Variants in ZNF212 observed in about 807,000 individuals in gnomAD.
ZNF212 encodes the protein Zinc finger protein C2H2-150.
ZNF212 carries 32 observed loss-of-function variants against 47.3 expected under a neutral mutation model. The observed-to-expected ratio is 0.68, with a 90% CI of 0.51 to 0.91. The LOEUF (loss-of-function observed/expected upper bound fraction) is 0.91. ZNF212 is among the 40% of genes least tolerant of loss of function. The probability of loss-of-function intolerance (pLI) is 0.00; values close to 1 mark genes in which losing one functional copy is unlikely to be tolerated. For synonymous variants in ZNF212, 242 were observed against 253.8 expected, an observed-to-expected ratio of 0.95 and a Z score of 0.44; for missense variants, 555 against 622.8, an observed-to-expected ratio of 0.89 and a Z score of 1.16.
Position 149,254,375 on chromosome 7 carries a change from G to A in ZNF212, c.1448G>A (p.Gly483Glu). The A allele has an allele frequency of 6.2e-7, 1 of 1,607,218 alleles. No individual in the cohort carries two copies. Among genetic ancestry groups the A allele is most frequent in the Non-Finnish European group, 8.5e-7 (1 of 1,179,842 alleles). ...HQKIHQRERG[G>E]LALEPGRPNG... Reference sequence around the variant, plus strand: ...AAGATCCACCAGCGGGAGCGGGGTGGGCTGGCCCTGGAGCCCGGAAGGCCC... The same window carrying A: ...AAGATCCACCAGCGGGAGCGGGGTGAGCTGGCCCTGGAGCCCGGAAGGCCC... Residue 483 changes from glycine (G) to glutamate (E), a missense_variant, in exon 5 of 5, where the codon GGG becomes GAG. Coordinates refer to ENST00000335870, the MANE Select transcript of ZNF212 (RefSeq NM_012256.4). This position sits in a 1 kb window ranked among gnomAD's most constrained non-coding sequence, Gnocchi z 4.5.
intron 1 of ZNF212, among the ~76,000 whole-genome samples, chr7:149,245,228 G>A (rs1189190727): frequency 6.6e-6 from 1 of 151,856 alleles, no homozygotes; most frequent in African/African-American, 2.4e-5. Flanking sequence ...GCACACACCT[G>A]TAATCCCAGC....
Position 149,254,321 on chromosome 7 carries a change from T to C in ZNF212, c.1394T>C (p.Val465Ala), listed in dbSNP as rs758794099. The change falls in exon 5 of 5, where the codon GTC becomes GCC. Residue 465 changes from valine (V) to alanine (A), a missense_variant. Coordinates refer to ENST00000335870, the MANE Select transcript of ZNF212 (RefSeq NM_012256.4). The surrounding 1 kb of genome is among the most constrained non-coding windows in gnomAD (Gnocchi z 4.5). ...TGCACTGAGTGTGAGAAGAGCTTTG[T>C]CCAGAAGCAGCACCTCCTGCAGCAC... ...YSCTECEKSF[V>A]QKQHLLQHQK... 1 of 1,613,636 alleles carries C rather than the reference T, an allele frequency of 6.2e-7. No individual in the cohort carries two copies. The highest frequency in any genetic ancestry group is 8.5e-7 in the Non-Finnish European group (1 of 1,180,022).
chr7:149,250,940 G>A (rs983423946), intron 3 of ZNF212, 133 bp downstream of exon 3: 1 of 1,231,948 alleles, frequency 8.1e-7, no homozygotes, highest in East Asian at 2.5e-5. Context: ...GCAGAGAAAT[G>A]CCAGTCTCTA....
intron 1 of ZNF212, among the ~76,000 whole-genome samples, chr7:149,242,091 G>T (rs188467625): frequency 6.8e-6 from 1 of 146,342 alleles, no homozygotes; most frequent in East Asian, 2.0e-4. Context: ...AGCAATCTTG[G>T]CTGCCTGAAA....
At chr7:149,243,209 C>T (rs1796620947) in intron 1 of ZNF212, among the ~76,000 whole-genome samples, 1 of 151,970 alleles carries the variant, frequency 6.6e-6, no homozygotes, top group African/African-American at 2.4e-5. Context: ...CTGGCTAACA[C>T]AGTGAAATTC....
intron 1 of ZNF212, among the ~76,000 whole-genome samples, chr7:149,241,515 A>G (rs1003758484): frequency 1.3e-5 from 2 of 152,126 alleles, no homozygotes; most frequent in African/African-American, 2.4e-5. Context: ...AACTTATTCA[A>G]ATTGTTCTTG....
chr7:149,243,482 T>TA (rs1796629519), intron 1 of ZNF212, among the ~76,000 whole-genome samples: 2 of 111,670 alleles, frequency 1.8e-5, no homozygotes, highest in Admixed American at 1.8e-4. Context: ...GAGATACAAC[T>TA]AAAAGATAAG....
chr7:149,246,062 T>G (rs1415432219), intron 1 of ZNF212, among the ~76,000 whole-genome samples: 1 of 152,254 alleles, frequency 6.6e-6, no homozygotes, highest in Non-Finnish European at 1.5e-5. Context: ...GTTTATTGAC[T>G]GCCTGCATTT....
At chr7:149,246,418 T>C (rs1796677488) in intron 1 of ZNF212, among the ~76,000 whole-genome samples, 1 of 151,964 alleles carries the variant, frequency 6.6e-6, no homozygotes, top group African/African-American at 2.4e-5. Context: ...AGTCTTATTC[T>C]GTTGCCCAGG....
chr7:149,241,824 G>C (rs948083692), intron 1 of ZNF212, among the ~76,000 whole-genome samples: 1 of 152,114 alleles, frequency 6.6e-6, no homozygotes, highest in Admixed American at 6.6e-5. Flanking sequence ...AGTCTAAGAA[G>C]CTCCCTAACC....
intron 1 of ZNF212, among the ~76,000 whole-genome samples, chr7:149,240,283 A>G (rs1288550420): frequency 6.6e-6 from 1 of 152,154 alleles, no homozygotes; most frequent in African/African-American, 2.4e-5. Flanking sequence ...TTGCAGCCAC[A>G]GGTTGAAGTC....
intron 4 of ZNF212, 64 bp downstream of exon 4, chr7:149,252,859 C>G: frequency 1.3e-6 from 2 of 1,543,174 alleles, no homozygotes; most frequent in Non-Finnish European, 1.8e-6. Context: ...GTGAGCTTTC[C>G]CACGGCTGAA....
rs1796823636 is a variant in ZNF212, at chr7:149,255,373, C to T, written c.*958C>T. On this transcript the variant is annotated 3_prime_UTR_variant, in exon 5 of 5. Coordinates refer to ENST00000335870, the MANE Select transcript of ZNF212 (RefSeq NM_012256.4). The stretch of plus-strand genomic sequence containing the variant: ...GTTATTTGAGTTTGTTCCTATTACA[C>T]CAATCCTTACTTGAGGTGGTTCGGA... 6.5e-6 allele frequency: 1 copy of T among 153,712 alleles called. No homozygotes were observed. The highest frequency in any genetic ancestry group is 2.1e-4 in the South Asian group (1 of 4,822). 9.5% of individuals were successfully genotyped at this position (153,712 alleles called of 1,614,324 possible).
chr7:149,253,726 GA>G lies in ZNF212; in HGVS notation c.800del (p.Asp267AlafsTer4), dbSNP rs748428445. ...TGTCCTCTTGGAAACAGGTCCTGGG[GA>G]CTCTACTCTAGAGGAGCCTGTTGGT... Reference protein sequence around the residue: ...SSVLLETGPGDSTLEEPVGSR... With the variant: ...SSVLLETGPGXSTLEEPVGSR... On this transcript the variant is annotated frameshift_variant, in exon 5 of 5. Transcript: ENST00000335870. LOFTEE classifies it high-confidence loss of function. 5.1e-4 allele frequency: 821 copies of G among 1,613,994 alleles called. No homozygotes were observed. Among genetic ancestry groups the G allele is most frequent in the Non-Finnish European group, 6.8e-4 (802 of 1,179,972 alleles).
chr7:149,249,208 G>A (rs981272556), intron 1 of ZNF212, among the ~76,000 whole-genome samples: 3 of 152,092 alleles, frequency 2.0e-5, no homozygotes, highest in Non-Finnish European at 4.4e-5. Context: ...AAATTATAAG[G>A]AAAATGTCAG....
intron 1 of ZNF212, among the ~76,000 whole-genome samples, chr7:149,245,680 G>A (rs1167542092): frequency 1.3e-5 from 2 of 152,002 alleles, no homozygotes; most frequent in Non-Finnish European, 2.9e-5. Flanking sequence ...TAATTTTATT[G>A]TCTTTTTGTA....
intron 1 of ZNF212, among the ~76,000 whole-genome samples, chr7:149,242,016 CTTTTCTTT>C (rs1405692908): frequency 7.5e-6 from 1 of 134,066 alleles, no homozygotes; most frequent in Non-Finnish European, 1.6e-5. Flanking sequence ...TTTTTCTTTT[CTTTTCTTT>C]TTTTTTTTTT....
chr7:149,240,396 A>ACCCCCCCCCCCCCCCCCCCCCCCCCCC (rs1585589226), intron 1 of ZNF212, among the ~76,000 whole-genome samples: 1 of 64,662 alleles, frequency 1.5e-5, no homozygotes, highest in African/African-American at 5.5e-5. Context: ...CCCCCCCAAC[A>ACCCCCCCCCCCCCCCCCCCCCCCCCCC]CCCCCCTCCC....
intron 1 of ZNF212, among the ~76,000 whole-genome samples, chr7:149,244,532 C>T (rs964540480): frequency 6.6e-6 from 1 of 151,824 alleles, no homozygotes; most frequent in East Asian, 2.0e-4. Context: ...CCAGGATGGT[C>T]GCGATCTCCT....
Sources: gnomAD v4.1 joint callset for allele counts (sites outside exome capture counted in the v4.1 genomes callset) on GRCh38, gnomAD v4.1.1 for gene constraint, Gnocchi (gnomAD v3.1) non-coding constraint, MANE v1.5 for transcripts, NCBI Gene and HGNC (gene_info 2026-07-23, HGNC 2026-07-21) for gene names.